Variants in MRPS2 observed in about 807,000 individuals in gnomAD.
MRPS2 encodes mitochondrial ribosomal protein S2, also known as small ribosomal subunit protein uS2m.
A neutral mutation model predicts 18.9 loss-of-function variants in MRPS2; 13 were observed. That is an observed-to-expected ratio of 0.69 (90% CI 0.45 to 1.09). The LOEUF is 1.09. Ranked by LOEUF, MRPS2 falls within the 50% of genes least tolerant of loss-of-function variation. The pLI, the probability that MRPS2 is intolerant of heterozygous loss-of-function variation, is 0.00. For missense variants in MRPS2, 389 were observed against 421.7 expected (o/e 0.92, Z 0.68); for synonymous variants, 186 against 178.4 (o/e 1.04, Z -0.34).
chr9:135,504,121 C>T lies in MRPS2; in HGVS notation c.879C>T (p.Ser293=), dbSNP rs145147362. The change falls in exon 4 of 4, where the codon AGC becomes AGT. Residue 293 remains serine (S), a synonymous_variant. Coordinates refer to ENST00000241600, the MANE Select transcript of MRPS2 (RefSeq NM_016034.5). This position sits in a 1 kb window ranked among gnomAD's most constrained non-coding sequence, Gnocchi z 4.3. The part of the protein sequence containing the change: ...GPAHPPGADM[S]HSL ...CCCACCCTCCTGGGGCTGACATGAG[C>T]CATTCCCTGTGATGTTCACTCTCCT... 1.6e-5 allele frequency: 26 copies of T among 1,603,082 alleles called. No individual in the cohort carries two copies. In the African/African-American group the frequency reaches 2.5e-4, roughly 16 times the overall value.
chr9:135,503,999 T>C lies in MRPS2; in HGVS notation c.757T>C (p.Phe253Leu). 1 of 1,613,576 alleles carries C rather than the reference T, an allele frequency of 6.2e-7. No homozygotes were observed. Among genetic ancestry groups the C allele is most frequent in the Non-Finnish European group, 8.5e-7 (1 of 1,180,026 alleles). ...GGCTGTGCACCTCTACTGCAGGCTCTTCCAGACGGCCATCACCCGGGCCAA... is the reference window on the plus strand; with the variant it reads ...GGCTGTGCACCTCTACTGCAGGCTCCTCCAGACGGCCATCACCCGGGCCAA... Reference protein sequence around the residue: ...PLAVHLYCRLFQTAITRAKEK... With the variant: ...PLAVHLYCRLLQTAITRAKEK... The change falls in exon 4 of 4, where the codon TTC becomes CTC. Residue 253 changes from phenylalanine (F) to leucine (L), a missense_variant. Transcript: ENST00000241600.
upstream of MRPS2, chr9:135,500,315 A>G (rs1831081073): frequency 3.3e-6 from 1 of 304,718 alleles, no homozygotes; most frequent in African/African-American, 2.2e-5. Flanking sequence ...TCCTAAGCCA[A>G]ATATCGTTTA....
At chr9:135,501,227 T>G (rs1299945376) in intron 2 of MRPS2, 104 bp downstream of exon 2, 1 of 1,448,478 alleles carries the variant, frequency 6.9e-7, no homozygotes, top group Non-Finnish European at 9.0e-7. Context: ...CGGTCGAAAC[T>G]GCGCGCTCCG....
chr9:135,502,330 A>T, intron 3 of MRPS2: 10 of 679,856 alleles, frequency 1.5e-5, no homozygotes, highest in East Asian at 1.3e-4. Context: ...CTGGTCCTGT[A>T]TTCTCACATG....
Position 135,504,650 on chromosome 9 carries a change from A to G in MRPS2, c.*517A>G. The G allele has an allele frequency of 6.4e-6, 1 of 155,872 alleles. No homozygotes were observed. The highest frequency in any genetic ancestry group is 1.4e-5 in the Non-Finnish European group (1 of 70,788). 9.7% of individuals were successfully genotyped at this position (155,872 alleles called of 1,614,324 possible). ...GATGACCTGATTCCAGCAAAAATAA[A>G]ACTCAGATTTGGGCAAAATGAGACT... On this transcript the variant is annotated 3_prime_UTR_variant, in exon 4 of 4. Coordinates refer to ENST00000241600, the MANE Select transcript of MRPS2 (RefSeq NM_016034.5). The surrounding 1 kb of genome is among the most constrained non-coding windows in gnomAD (Gnocchi z 4.3).
At position 135,503,804 on chromosome 9, in the gene MRPS2, C is replaced by T. The variant is rs758256255; in HGVS notation, c.562C>T (p.Arg188Cys). Reference protein sequence around the residue: ...NARLLFGPTVRLPDLIIFLHT... With the variant: ...NARLLFGPTVCLPDLIIFLHT... Reference sequence around the variant, plus strand: ...GCGCCTCCTCTTTGGCCCCACGGTCCGCCTGCCGGACCTCATCATCTTCCT... The same window carrying T: ...GCGCCTCCTCTTTGGCCCCACGGTCTGCCTGCCGGACCTCATCATCTTCCT... Residue 188 changes from arginine to cysteine, a missense_variant, in exon 4 of 4, where the codon CGC (arginine) becomes TGC (cysteine). Coordinates refer to ENST00000241600, the MANE Select transcript of MRPS2 (RefSeq NM_016034.5). 6.2e-6 allele frequency: 10 copies of T among 1,613,096 alleles called. No individual in the cohort carries two copies. Among genetic ancestry groups the T allele is most frequent in the Admixed American group, 5.0e-5 (3 of 60,000 alleles).
intron 1 of MRPS2, 35 bp from the exon 2 acceptor site, chr9:135,500,963 A>C (rs749431070): frequency 4.4e-6 from 7 of 1,606,784 alleles, no homozygotes; most frequent in Admixed American, 3.3e-5. Flanking sequence ...TGCATTCGGG[A>C]CTCGGCGCCA....
rs1483883233 is a variant in MRPS2, at chr9:135,503,700, A to G, written c.458A>G (p.Tyr153Cys). The change falls in exon 4 of 4, where the codon TAC becomes TGC. Residue 153 changes from tyrosine (Y) to cysteine (C), a missense_variant. By Grantham distance (194) the Tyr-to-Cys change is radical (BLOSUM62 -2). Coordinates refer to ENST00000241600, the MANE Select transcript of MRPS2 (RefSeq NM_016034.5). ...LFISRNRQFS[Y>C]LIENMARDCG... ...ATAAGCCGCAACCGGCAGTTCTCGTACCTGATTGAGAACATGGCCCGTGAC... is the reference window on the plus strand; with the variant it reads ...ATAAGCCGCAACCGGCAGTTCTCGTGCCTGATTGAGAACATGGCCCGTGAC... The G allele has an allele frequency of 1.2e-6, 2 of 1,613,544 alleles. No individual in the cohort carries two copies. The highest frequency in any genetic ancestry group is 3.3e-5 in the Admixed American group (2 of 60,002).
chr9:135,501,302 A>C, intron 2 of MRPS2, 179 bp downstream of exon 2: 8 of 1,417,820 alleles, frequency 5.6e-6, no homozygotes, highest in African/African-American at 1.5e-5. Context: ...CAGCGGGCTG[A>C]GGCCACCGCC....
At chr9:135,501,338 C>G in intron 2 of MRPS2, 1 of 1,403,148 alleles carries the variant, frequency 7.1e-7, no homozygotes, top group Non-Finnish European at 9.2e-7. Context: ...TGAGAGGGAG[C>G]GGGCGGGCCA....
upstream of MRPS2, chr9:135,500,453 G>A: frequency 2.3e-6 from 1 of 439,768 alleles, no homozygotes; most frequent in East Asian, 3.6e-5. Context: ...CGGGCTGGCC[G>A]GTCCCATTAG....
At chr9:135,501,499 TG>T in intron 2 of MRPS2, 1 of 814,092 alleles carries the variant, frequency 1.2e-6, no homozygotes, top group Non-Finnish European at 1.6e-6. Flanking sequence ...ACTTTCTGGC[TG>T]GCCACCTGAG....
intron 3 of MRPS2, 86 bp downstream of exon 3, chr9:135,502,059 C>A: frequency 2.5e-6 from 4 of 1,585,872 alleles, no homozygotes; most frequent in East Asian, 2.2e-5. Flanking sequence ...TTTGAACTGG[C>A]CTATGTCAGT....
Position 135,500,989 on chromosome 9 carries a change from T to C in MRPS2, c.44-9T>C. ...CTCGGCGCCAGGACCTCTATCTACT[T>C]CCCCCCAGGTGCCCGGGCCCCGTCG... On this transcript the variant is annotated splice_polypyrimidine_tract_variant and intron_variant, in intron 1 of 3. Transcript: ENST00000241600. The C allele has an allele frequency of 1.9e-6, 3 of 1,610,542 alleles. No individual in the cohort carries two copies. The highest frequency in any genetic ancestry group is 1.7e-6 in the Non-Finnish European group (2 of 1,179,278).
chr9:135,500,814 G>A (rs1308147629), intron 1 of MRPS2, 61 bp downstream of exon 1: 4 of 1,492,618 alleles, frequency 2.7e-6, no homozygotes, highest in African/African-American at 1.4e-5. Context: ...GAGGGGCGCG[G>A]GGACCCGATG....
In MRPS2 at chr9:135,503,834, A is replaced by T. The variant is rs770377607; in HGVS notation, c.592A>T (p.Thr198Ser). 6.2e-7 allele frequency: 1 copy of T among 1,613,724 alleles called. No individual in the cohort carries two copies. Among genetic ancestry groups the T allele is most frequent in the Non-Finnish European group, 8.5e-7 (1 of 1,180,016 alleles). The change falls in exon 4 of 4, where the codon ACG (threonine) becomes TCG (serine). Residue 198 changes from threonine (T) to serine (S), a missense_variant. Transcript: ENST00000241600. ...RLPDLIIFLH[T>S]LNNIFEPHVA... ...GCCGGACCTCATCATCTTCCTGCAC[A>T]CGCTCAACAACATCTTTGAGCCACA...
At chr9:135,503,283 G>T in intron 3 of MRPS2, 1 of 1,378,128 alleles carries the variant, frequency 7.3e-7, no homozygotes, top group South Asian at 1.7e-5. Context: ...TATGGGGTCA[G>T]TTCTATTAGG....
chr9:135,500,351 G>A, upstream of MRPS2: 1 of 358,640 alleles, frequency 2.8e-6, no homozygotes, highest in Non-Finnish European at 5.0e-6. Flanking sequence ...TTTGGAGAGC[G>A]AGAGGTTGCG....
Position 135,501,924 on chromosome 9 carries a change from C to A in MRPS2, c.250C>A (p.Leu84Ile), listed in dbSNP as rs1564219604. The change falls in exon 3 of 4, where the codon CTC becomes ATC. Residue 84 changes from leucine to isoleucine, a missense_variant. Leu to Ile is a conservative substitution (Grantham distance 5). Coordinates refer to ENST00000241600, the MANE Select transcript of MRPS2 (RefSeq NM_016034.5). The stretch of plus-strand genomic sequence containing the variant: ...CAAGGAACTGTTTTCCGTGAGAAGC[C>A]TCTTCGATGCCCGAGTCCATCTGGG... ...NVKELFSVRS[L>I]FDARVHLGHK... is the part of the protein sequence containing the mutation. 2 of 1,613,842 alleles carry A rather than the reference C, an allele frequency of 1.2e-6. No individual in the cohort carries two copies. The highest frequency in any genetic ancestry group is 1.7e-6 in the Non-Finnish European group (2 of 1,179,998).
Sources: gnomAD v4.1 joint callset for allele counts on GRCh38, gnomAD v4.1.1 for gene constraint, Gnocchi (gnomAD v3.1) non-coding constraint, MANE v1.5 for transcripts, NCBI Gene and HGNC (gene_info 2026-07-23, HGNC 2026-07-21) for gene names.